PLAC1: variants seen among roughly 807,000 people sequenced by gnomAD.
PLAC1 encodes the protein placenta-specific protein 1.
For missense variants in PLAC1, 136 were observed against 163.2 expected (o/e 0.83, Z 0.91); for synonymous variants, 68 against 62.1 (o/e 1.09, Z -0.44).
chrX:134,640,762 G>C (rs1007777553), intron 1 of PLAC1, among the ~76,000 whole-genome samples: 33 of 112,242 alleles, frequency 2.9e-4, no homozygotes, highest in Non-Finnish European at 5.8e-4. Context: ...TATATCCCTA[G>C]AGCCCAGCAC....
At chrX:134,663,781 A>G (rs1466090452) in intron 2 of PLAC1, among the ~76,000 whole-genome samples, 1 of 112,677 alleles carries the variant, frequency 8.9e-6, no homozygotes, top group Non-Finnish European at 1.9e-5. Context: ...TGTTGATTTT[A>G]CAGATAACAT....
At chrX:134,665,222 C>G (rs1201107419) in intron 2 of PLAC1, among the ~76,000 whole-genome samples, 1 of 111,289 alleles carries the variant, frequency 9.0e-6, no homozygotes, top group African/African-American at 3.3e-5. Context: ...CCTCATGCCC[C>G]TGGTCATTAT....
intron 1 of PLAC1, among the ~76,000 whole-genome samples, chrX:134,752,141 A>G (rs2078746279): frequency 8.9e-6 from 1 of 112,357 alleles, no homozygotes; most frequent in South Asian, 3.7e-4. Flanking sequence ...CTCTGGCTAA[A>G]GGAACTTTGT....
At chrX:134,679,307 C>T (rs946560570) in intron 2 of PLAC1, among the ~76,000 whole-genome samples, 5 of 110,708 alleles carry the variant, frequency 4.5e-5, no homozygotes, top group East Asian at 2.8e-4. Context: ...TCGAGTAGGC[C>T]GTGGATATAT....
At chrX:134,667,037 A>T (rs1413997369) in intron 2 of PLAC1, among the ~76,000 whole-genome samples, 1 of 112,412 alleles carries the variant, frequency 8.9e-6, no homozygotes, top group Non-Finnish European at 1.9e-5. Flanking sequence ...ATTAAATAAA[A>T]GTATATCAAA....
intron 1 of PLAC1, among the ~76,000 whole-genome samples, chrX:134,604,833 C>T (rs1470526361): frequency 1.8e-5 from 2 of 111,408 alleles, no homozygotes; most frequent in African/African-American, 6.5e-5. Flanking sequence ...AACAACACTG[C>T]CCTTTGTAAG....
chrX:134,658,482 ATG>A (rs1436391146), upstream of PLAC1: 1 of 112,303 alleles, frequency 8.9e-6, no homozygotes, highest in East Asian at 2.8e-4. Context: ...GGTCTGATAT[ATG>A]TGTGTGTCTT....
At chrX:134,627,921 G>A (rs1312376222) in intron 1 of PLAC1, among the ~76,000 whole-genome samples, 1 of 111,485 alleles carries the variant, frequency 9.0e-6, no homozygotes, top group Non-Finnish European at 1.9e-5. Context: ...TTGAGGGGAG[G>A]TTCCACCACT....
intron 2 of PLAC1, among the ~76,000 whole-genome samples, chrX:134,689,235 T>G (rs2078528456): frequency 8.9e-6 from 1 of 112,198 alleles, no homozygotes; most frequent in Non-Finnish European, 1.9e-5. Flanking sequence ...TCTACAAGCC[T>G]GCTTTCACCA....
chrX:134,642,791 C>G (rs145389077), intron 1 of PLAC1, among the ~76,000 whole-genome samples: 2 of 111,276 alleles, frequency 1.8e-5, no homozygotes, highest in Non-Finnish European at 3.8e-5. Context: ...TTGATCAATA[C>G]AAGCAAAAGC....
chrX:134,628,993 G>C (rs2078248341), intron 1 of PLAC1, among the ~76,000 whole-genome samples: 1 of 112,118 alleles, frequency 8.9e-6, no homozygotes, highest in South Asian at 3.7e-4. Flanking sequence ...CTGTGGGACA[G>C]TTTCATTTAT....
intron 1 of PLAC1, among the ~76,000 whole-genome samples, chrX:134,636,353 C>T (rs913863455): frequency 8.9e-6 from 1 of 112,142 alleles, no homozygotes; most frequent in South Asian, 3.7e-4. Flanking sequence ...CCAATGATGG[C>T]TTCCTCCAAG....
At chrX:134,763,025 A>G (rs1292322529) in intron 1 of PLAC1, among the ~76,000 whole-genome samples, 1 of 110,417 alleles carries the variant, frequency 9.1e-6, no homozygotes, top group Non-Finnish European at 1.9e-5. Context: ...ATAAAGATGA[A>G]AAACAATAAC....
intron 2 of PLAC1, among the ~76,000 whole-genome samples, chrX:134,724,917 G>A (rs748561776): frequency 1.8e-5 from 2 of 110,269 alleles, no homozygotes; most frequent in Non-Finnish European, 3.8e-5. Flanking sequence ...TGGGAGGATC[G>A]CTGGAGCCTG....
At chrX:134,652,063 C>CTA (rs931636168) in intron 1 of PLAC1, among the ~76,000 whole-genome samples, 4 of 111,567 alleles carry the variant, frequency 3.6e-5, no homozygotes, top group Non-Finnish European at 7.5e-5. Context: ...CTACTTTGGC[C>CTA]TATCTAAAGT....
intron 1 of PLAC1, among the ~76,000 whole-genome samples, chrX:134,631,879 G>T (rs150585057): frequency 8.9e-6 from 1 of 112,028 alleles, no homozygotes; most frequent in South Asian, 3.8e-4. Context: ...TGCAGTCTGC[G>T]CAGGAGACAC....
At chrX:134,592,459 T>C (rs187043686) in intron 2 of PLAC1, among the ~76,000 whole-genome samples, 185 of 111,313 alleles carry the variant, frequency 1.7e-3, no homozygotes, top group African/African-American at 5.9e-3. Context: ...TCAGTAGACT[T>C]TGAGTAAAGT....
At chrX:134,732,839 G>A (rs2078692738) in intron 2 of PLAC1, among the ~76,000 whole-genome samples, 1 of 112,226 alleles carries the variant, frequency 8.9e-6, no homozygotes. Flanking sequence ...TGGGCATCAA[G>A]TGGAGAGTGG....
At chrX:134,649,908 G>A (rs942643700) in intron 1 of PLAC1, among the ~76,000 whole-genome samples, 5 of 111,477 alleles carry the variant, frequency 4.5e-5, no homozygotes, top group East Asian at 5.6e-4. Context: ...CTCCCGCCCC[G>A]GGGGGAATCA....
Sources: allele counts gnomAD v4.1 joint callset (sites outside exome capture counted in the v4.1 genomes callset), GRCh38; gene constraint gnomAD v4.1.1; transcripts MANE v1.5; gene names NCBI Gene and HGNC (gene_info 2026-07-23, HGNC 2026-07-21).